The following PCSK5 variants were observed in gnomAD, a reference collection of about 807,000 sequenced individuals.
PCSK5 encodes prohormone convertase 5.
In PCSK5, 129 loss-of-function variants were observed where a neutral mutation model predicts 233.2. The ratio of observed to expected loss-of-function variants is 0.55; its 90% CI spans 0.48 to 0.64. The LOEUF (loss-of-function observed/expected upper bound fraction) is 0.64, where lower values mean the gene tolerates loss of function less well. Ranked by LOEUF, PCSK5 falls within the 30% of genes least tolerant of loss-of-function variation. PCSK5 has a pLI of 0.00. For synonymous variants in PCSK5, 825 were observed against 879.2 expected, an observed-to-expected ratio of 0.94 and a Z score of 1.09; for missense variants, 2,076 against 2,430.1, an observed-to-expected ratio of 0.85 and a Z score of 3.06.
intron 34 of PCSK5, among the ~76,000 whole-genome samples, chr9:76,337,880 A>C (rs1192947580): frequency 6.6e-6 from 1 of 152,062 alleles, no homozygotes; most frequent in Non-Finnish European, 1.5e-5. Flanking sequence ...GATCCCAGCC[A>C]TTAATCACAA....
intron 5 of PCSK5, among the ~76,000 whole-genome samples, chr9:76,063,230 G>A (rs1830096312): frequency 1.3e-5 from 2 of 150,824 alleles, no homozygotes; most frequent in South Asian, 4.2e-4. Context: ...GATCTCCCGG[G>A]CTTAAGTGAT....
At chr9:76,141,020 C>T (rs751365450) in intron 10 of PCSK5, among the ~76,000 whole-genome samples, 20 of 152,122 alleles carry the variant, frequency 1.3e-4, no homozygotes, top group Non-Finnish European at 2.2e-4. Context: ...TCTTTCAGCA[C>T]ATGACTTTGA....
intron 1 of PCSK5, among the ~76,000 whole-genome samples, chr9:75,922,421 T>A (rs578200389): frequency 1.3e-5 from 2 of 152,238 alleles, no homozygotes; most frequent in South Asian, 4.2e-4. Context: ...TGGGGAGACG[T>A]TACAGATGGC....
At chr9:76,354,322 G>C in intron 37 of PCSK5, 103 bp downstream of exon 37, 1 of 880,474 alleles carries the variant, frequency 1.1e-6, no homozygotes, top group East Asian at 2.7e-5. Flanking sequence ...AATCAATATG[G>C]CTACCTTTTT....
At chr9:76,034,920 C>T (rs1587529165) in intron 5 of PCSK5, among the ~76,000 whole-genome samples, 1 of 152,034 alleles carries the variant, frequency 6.6e-6, no homozygotes, top group African/African-American at 2.4e-5. Flanking sequence ...AGTTGCTGAC[C>T]GATTAAATGG....
At chr9:75,891,485 C>T (rs1448544559) in intron 1 of PCSK5, 112 bp downstream of exon 1, 5 of 880,262 alleles carry the variant, frequency 5.7e-6, no homozygotes, top group Middle Eastern at 2.3e-4. Context: ...GCAGCTGTTG[C>T]CCTAACTCTT....
At chr9:76,165,072 C>G (rs1447424784) in intron 12 of PCSK5, among the ~76,000 whole-genome samples, 1 of 151,764 alleles carries the variant, frequency 6.6e-6, no homozygotes, top group Non-Finnish European at 1.5e-5. Context: ...TTTTAAATAC[C>G]CTGTATCAGA....
At chr9:76,324,294 G>A (rs73464597) in intron 32 of PCSK5, among the ~76,000 whole-genome samples, 45,731 of 151,818 alleles carry the variant, frequency 0.3, 7,236 homozygotes, top group African/African-American at 0.37. Context: ...GCAGTGGCAT[G>A]ATCTCAGCTC....
chr9:76,310,627 C>T (rs750897403), intron 29 of PCSK5, 29 bp from the exon 30 acceptor site: 2 of 1,452,836 alleles, frequency 1.4e-6, no homozygotes, highest in Non-Finnish European at 1.9e-6. Flanking sequence ...GATGACTATT[C>T]CCATCTTCCC....
chr9:75,921,582 A>ATG (rs76117177), intron 1 of PCSK5, among the ~76,000 whole-genome samples: 13 of 150,684 alleles, frequency 8.6e-5, no homozygotes, highest in Non-Finnish European at 1.5e-4. Flanking sequence ...GTGTGTGTGT[A>ATG]TGTGTGTGTG....
intron 24 of PCSK5, among the ~76,000 whole-genome samples, chr9:76,245,053 C>T (rs2131336124): frequency 6.6e-6 from 1 of 152,222 alleles, no homozygotes; most frequent in South Asian, 2.1e-4. Flanking sequence ...TGTTTTGAGG[C>T]ACATTTTTTG....
chr9:76,205,218 G>A (rs776453106), intron 20 of PCSK5: 46 of 518,788 alleles, frequency 8.9e-5, no homozygotes, highest in Middle Eastern at 3.2e-4. Context: ...GTCCCTTTCC[G>A]TATTCAACCC....
intron 6 of PCSK5, among the ~76,000 whole-genome samples, chr9:76,069,514 T>A (rs1830407753): frequency 6.6e-6 from 1 of 151,840 alleles, no homozygotes; most frequent in South Asian, 2.1e-4. Flanking sequence ...AACAAGAACA[T>A]TCTGAATAAT....
At chr9:76,194,871 A>C (rs1012230971) in intron 20 of PCSK5, 10 of 377,658 alleles carry the variant, frequency 2.6e-5, no homozygotes, top group Non-Finnish European at 4.4e-5. Context: ...TACTTAGAAG[A>C]TGCTGCTGGA....
chr9:75,969,023 C>T (rs941867302), intron 2 of PCSK5, among the ~76,000 whole-genome samples: 1 of 124,174 alleles, frequency 8.1e-6, no homozygotes, highest in African/African-American at 3.1e-5. Context: ...CATGGCCTGC[C>T]CTCTATGGCG....
intron 5 of PCSK5, among the ~76,000 whole-genome samples, chr9:76,053,698 T>C (rs1829717849): frequency 6.6e-6 from 1 of 152,208 alleles, no homozygotes; most frequent in Non-Finnish European, 1.5e-5. Flanking sequence ...AACTTTATTG[T>C]TCATATCACT....
At chr9:75,973,908 C>T (rs1271413243) in intron 2 of PCSK5, among the ~76,000 whole-genome samples, 1 of 152,072 alleles carries the variant, frequency 6.6e-6, no homozygotes, top group Non-Finnish European at 1.5e-5. Flanking sequence ...TTCCTTGGGT[C>T]CAGTAAACAC....
chr9:76,084,422 G>A (rs1371651306), intron 7 of PCSK5, among the ~76,000 whole-genome samples: 1 of 152,176 alleles, frequency 6.6e-6, no homozygotes, highest in African/African-American at 2.4e-5. Flanking sequence ...ATTAGTAACT[G>A]TGTGGGCAAT....
chr9:76,198,310 T>G (rs879669949), intron 20 of PCSK5, among the ~76,000 whole-genome samples: 1 of 152,182 alleles, frequency 6.6e-6, no homozygotes, highest in Non-Finnish European at 1.5e-5. Context: ...TCTAGAAAAT[T>G]CCAGAAACGT....
Sources: gnomAD v4.1 joint callset for allele counts (sites outside exome capture counted in the v4.1 genomes callset) on GRCh38, gnomAD v4.1.1 for gene constraint, MANE v1.5 for transcripts, NCBI Gene and HGNC (gene_info 2026-07-23, HGNC 2026-07-21) for gene names.